Variants in TNFRSF8 observed in about 807,000 individuals in gnomAD.
TNFRSF8 encodes the protein TNF receptor superfamily member 8.
TNFRSF8 carries 26 observed loss-of-function variants against 70.8 expected under a neutral mutation model. The ratio of observed to expected loss-of-function variants is 0.37; its 90% confidence interval spans 0.27 to 0.51. TNFRSF8 has a LOEUF of 0.51. Ranked by LOEUF, TNFRSF8 falls within the 20% of genes least tolerant of loss-of-function variation. The pLI is 0.94. For missense variants in TNFRSF8, 720 were observed against 807.9 expected, an observed-to-expected ratio of 0.89 and a Z score of 1.32; for synonymous variants, 356 against 339.2, an observed-to-expected ratio of 1.05 and a Z score of -0.54.
At chr1:12,089,218 A>G (rs960292320) in intron 2 of TNFRSF8, among the ~76,000 whole-genome samples, 5 of 151,288 alleles carry the variant, frequency 3.3e-5, no homozygotes, top group African/African-American at 1.2e-4. Flanking sequence ...CTTTCCTAAC[A>G]CTCCTTCCAT....
At chr1:12,067,900 G>A (rs1337801655) in intron 1 of TNFRSF8, among the ~76,000 whole-genome samples, 2 of 124,556 alleles carry the variant, frequency 1.6e-5, no homozygotes, top group Admixed American at 8.5e-5. Flanking sequence ...GACGGCGGGG[G>A]GGCGGGGGGG....
rs3737958 is a variant in TNFRSF8, at chr1:12,104,630, C to A, written c.421+99C>A. ...ACTGTTGACTTCCGACCTCCCGCTT[C>A]CCGGAGACTGTTGGACAGATCATGT... On this transcript the variant is annotated intron_variant, in intron 4 of 14. Transcript: ENST00000263932. 1.3e-4 allele frequency: 188 copies of A among 1,420,166 alleles called. 1 individual carries two copies. The East Asian group carries it at 4.4e-3, about 33-fold the overall frequency. 88.0% of individuals were successfully genotyped at this position (1,420,166 alleles called of 1,614,324 possible). A position where few individuals can be genotyped will look rare whatever the true frequency, so the allele number is the denominator to read the frequency against.
rs565491046 is a variant in TNFRSF8, at chr1:12,141,656, G to A, written c.1544-631G>A. On this transcript the variant is annotated intron_variant, in intron 14 of 14. Coordinates refer to ENST00000263932, the MANE Select transcript of TNFRSF8 (RefSeq NM_001243.5). This position sits in a 1 kb window ranked among gnomAD's most constrained non-coding sequence, Gnocchi z 5.4. Reference sequence around the variant, plus strand: ...TTGCCCGGACCGAGGGGACTCCCAGGACACGGGACTTGCAGTAGTAGAACC... The same window carrying A: ...TTGCCCGGACCGAGGGGACTCCCAGAACACGGGACTTGCAGTAGTAGAACC... Among the ~76,000 whole-genome samples the A allele has an allele frequency of 7.2e-5, 11 of 152,360 alleles. No individual in the cohort carries two copies. The South Asian group carries it at 2.1e-3, about 29-fold the overall frequency.
intron 12 of TNFRSF8, among the ~76,000 whole-genome samples, chr1:12,132,202 G>A (rs1236145715): frequency 1.3e-5 from 2 of 152,184 alleles, no homozygotes; most frequent in South Asian, 2.1e-4. Context: ...AGCCAGCATC[G>A]TTCATTTGTC....
chr1:12,124,103 C>G (rs1459911164), intron 10 of TNFRSF8, among the ~76,000 whole-genome samples: 2 of 152,162 alleles, frequency 1.3e-5, no homozygotes, highest in Non-Finnish European at 2.9e-5. Flanking sequence ...CTCCCAGGTT[C>G]AAGAGATTCT....
rs1005913675 is a variant in TNFRSF8, at chr1:12,142,664, G to A, written c.*133G>A. The stretch of plus-strand genomic sequence containing the variant: ...AGGCTCCAGCATCTAGTGGTGGACC[G>A]GCCGGTCACTGCAGGGGTCTGGTGG... On this transcript the variant is annotated 3_prime_UTR_variant, in exon 15 of 15. Coordinates refer to ENST00000263932, the MANE Select transcript of TNFRSF8 (RefSeq NM_001243.5). This position sits in a 1 kb window ranked among gnomAD's most constrained non-coding sequence, Gnocchi z 5.0. The A allele has an allele frequency of 3.9e-5, 49 of 1,248,442 alleles. No homozygotes were observed. The African/African-American group carries it at 5.3e-4, about 13-fold the overall frequency. The allele number at this position is 1,248,442 out of a possible 1,614,324, so 77.3% of individuals were successfully genotyped here.
chr1:12,070,659 T>C (rs1043430840), intron 1 of TNFRSF8, among the ~76,000 whole-genome samples: 3 of 152,014 alleles, frequency 2.0e-5, no homozygotes, highest in Non-Finnish European at 4.4e-5. Context: ...ACAGGACCTG[T>C]GGATGGGTCT....
rs1641648069 is a variant in TNFRSF8 at position 12,112,350 on chromosome 1, G to A, written c.793+336G>A. Among the ~76,000 whole-genome samples, 1 of 151,792 alleles carries A rather than the reference G, an allele frequency of 6.6e-6. No individual in the cohort carries two copies. The highest frequency in any genetic ancestry group is 1.5e-5 in the Non-Finnish European group (1 of 67,972). The stretch of plus-strand genomic sequence containing the variant: ...CCAGACAGGTGCCACCAGGTTCCAG[G>A]TTCTCGTCCACTCCACTCGCTGCCC... On this transcript the variant is annotated intron_variant, in intron 7 of 14. Coordinates refer to ENST00000263932, the MANE Select transcript of TNFRSF8 (RefSeq NM_001243.5). The surrounding 1 kb of genome is among the most constrained non-coding windows in gnomAD (Gnocchi z 5.3).
At position 12,119,223 on chromosome 1, in the gene TNFRSF8, A is replaced by G. The variant is rs1029161571; in HGVS notation, c.946+3494A>G. Among the ~76,000 whole-genome samples the G allele has an allele frequency of 6.6e-6, 1 of 152,138 alleles. No individual in the cohort carries two copies. Among genetic ancestry groups the G allele is most frequent in the Non-Finnish European group, 1.5e-5 (1 of 68,016 alleles). On this transcript the variant is annotated intron_variant, in intron 8 of 14. Coordinates refer to ENST00000263932, the MANE Select transcript of TNFRSF8 (RefSeq NM_001243.5). The surrounding 1 kb of genome is among the most constrained non-coding windows in gnomAD (Gnocchi z 4.4). ...TGACCACCTTGATGTGGCTCTCCCA[A>G]TGCAGACATTGGCACGTGCCAGGCC... is the stretch of plus-strand genomic sequence containing the variant.
intron 2 of TNFRSF8, among the ~76,000 whole-genome samples, chr1:12,092,593 C>T (rs546525558): frequency 2.6e-5 from 4 of 151,208 alleles, no homozygotes; most frequent in Admixed American, 6.6e-5. Context: ...CTGCAAGCTC[C>T]GCCTCCCGGG....
chr1:12,139,138 A>G (rs11569945), intron 14 of TNFRSF8, among the ~76,000 whole-genome samples: 2,060 of 152,122 alleles, frequency 0.014, 53 homozygotes, highest in African/African-American at 0.047. Flanking sequence ...ATTTTCCCCA[A>G]AATGTATACC....
chr1:12,131,194 A>G (rs919308546), intron 12 of TNFRSF8, among the ~76,000 whole-genome samples: 1 of 152,190 alleles, frequency 6.6e-6, no homozygotes, highest in Non-Finnish European at 1.5e-5. Flanking sequence ...TCACACCTGT[A>G]ATCCCAGCAC....
intron 2 of TNFRSF8, among the ~76,000 whole-genome samples, chr1:12,089,256 G>A (rs1641205727): frequency 6.6e-6 from 1 of 151,960 alleles, no homozygotes; most frequent in Non-Finnish European, 1.5e-5. Context: ...TCGTCTTCCT[G>A]CAGGATCCCC....
chr1:12,072,202 G>A (rs1453934559), intron 1 of TNFRSF8, among the ~76,000 whole-genome samples: 2 of 152,212 alleles, frequency 1.3e-5, no homozygotes, highest in Non-Finnish European at 2.9e-5. Flanking sequence ...GTCAAGTGCT[G>A]AGAGCAGCTT....
At chr1:12,128,200 G>T (rs1033805120) in intron 12 of TNFRSF8, among the ~76,000 whole-genome samples, 2 of 152,252 alleles carry the variant, frequency 1.3e-5, no homozygotes, top group African/African-American at 4.8e-5. Flanking sequence ...TGCAGGCTCT[G>T]TGCCGGGCCC....
chr1:12,101,871 C>T (rs990551001), intron 3 of TNFRSF8, among the ~76,000 whole-genome samples: 1 of 152,056 alleles, frequency 6.6e-6, no homozygotes, highest in African/African-American at 2.4e-5. Context: ...GGCGGGATTT[C>T]ACCATGTTGG....
Position 12,141,503 on chromosome 1 carries a change from A to G in TNFRSF8, c.1544-784A>G, listed in dbSNP as rs1642253463. Among the ~76,000 whole-genome samples, 1 of 152,258 alleles carries G rather than the reference A, an allele frequency of 6.6e-6. No homozygotes were observed. Among genetic ancestry groups the G allele is most frequent in the Non-Finnish European group, 1.5e-5 (1 of 68,048 alleles). ...CTCACAGCACAGCCATGCACGCTGC[A>G]GGCAGGAGACCGGCTGTGAGCAGTA... On this transcript the variant is annotated intron_variant, in intron 14 of 14. Coordinates refer to ENST00000263932, the MANE Select transcript of TNFRSF8 (RefSeq NM_001243.5). The surrounding 1 kb of genome is among the most constrained non-coding windows in gnomAD (Gnocchi z 5.4).
chr1:12,073,944 GC>G (rs1014000073), intron 1 of TNFRSF8, among the ~76,000 whole-genome samples: 1 of 151,744 alleles, frequency 6.6e-6, no homozygotes, highest in Admixed American at 6.5e-5. Flanking sequence ...GGCTGTTGCT[GC>G]CCGGGAACGT....
chr1:12,116,022 C>T (rs1166376356), intron 8 of TNFRSF8, among the ~76,000 whole-genome samples: 1 of 152,120 alleles, frequency 6.6e-6, no homozygotes, highest in Non-Finnish European at 1.5e-5. Context: ...GCTCATGTTG[C>T]CCAGGCTGGA....
Sources: gnomAD v4.1 joint callset for allele counts (sites outside exome capture counted in the v4.1 genomes callset) on GRCh38, gnomAD v4.1.1 for gene constraint, Gnocchi (gnomAD v3.1) non-coding constraint, MANE v1.5 for transcripts, NCBI Gene and HGNC (gene_info 2026-07-23, HGNC 2026-07-21) for gene names.